AAAS: variants seen among roughly 807,000 people sequenced by gnomAD.
AAAS encodes the protein aladin.
In AAAS, 60 loss-of-function variants were observed where a neutral mutation model predicts 75.6. The ratio of observed to expected loss-of-function variants is 0.79; its 90% CI spans 0.64 to 0.98. The LOEUF is 0.98. AAAS is among the 50% of genes least tolerant of loss of function. The probability of loss-of-function intolerance (pLI) is 0.00; values close to 1 mark genes in which losing one functional copy is unlikely to be tolerated. For missense variants in AAAS, 658 were observed against 686.9 expected (o/e 0.96, Z 0.47); for synonymous variants, 271 against 265.0 (o/e 1.02, Z -0.22).
chr12:53,321,014 GA>G, intron 1 of AAAS: 1 of 535,458 alleles, frequency 1.9e-6, no homozygotes. Context: ...GAACACCATG[GA>G]AAAAAGTTCC....
chr12:53,309,993 T>C (rs1944361838), intron 7 of AAAS: 2 of 516,674 alleles, frequency 3.9e-6, no homozygotes, highest in Non-Finnish European at 3.5e-6. Flanking sequence ...AGATAGGCCA[T>C]GAGGCAAAAC....
At chr12:53,317,923 T>G (rs1387248415) in intron 2 of AAAS, among the ~76,000 whole-genome samples, 1 of 152,192 alleles carries the variant, frequency 6.6e-6, no homozygotes. Context: ...AGGTAATAAT[T>G]ACATCAGCTA....
At chr12:53,309,959 C>A in intron 7 of AAAS, 3 of 600,696 alleles carry the variant, frequency 5.0e-6, no homozygotes, top group Non-Finnish European at 8.7e-6. Context: ...AGGTCTCAGG[C>A]CAGGGTGAAA....
chr12:53,311,828 C>T (rs558209248), intron 7 of AAAS, among the ~76,000 whole-genome samples: 156 of 152,182 alleles, frequency 1.0e-3, no homozygotes, highest in African/African-American at 3.7e-3. Context: ...GCAGGAGAAT[C>T]GCTTGAACCC....
In AAAS at chr12:53,309,638, C is replaced by A. The variant is rs1362889217; in HGVS notation, c.773G>T (p.Arg258Leu). 5.0e-6 allele frequency: 8 copies of A among 1,613,408 alleles called. No homozygotes were observed. The highest frequency in any genetic ancestry group is 1.6e-4 in the Middle Eastern group (1 of 6,070). Reference protein sequence around the residue: ...TSLAWAPSGGRLLSASPVDAA... With the variant: ...TSLAWAPSGGLLLSASPVDAA... Reference sequence around the variant, plus strand: ...ATCCACGGGTGAAGCTGAGAGCAGCCGCCCCCCACTGGGGGCCCAGGCCAA... The same window carrying A: ...ATCCACGGGTGAAGCTGAGAGCAGCAGCCCCCCACTGGGGGCCCAGGCCAA... Residue 258 changes from arginine to leucine, a missense_variant, in exon 8 of 16, where the codon CGG (arginine) becomes CTG (leucine). Coordinates refer to ENST00000209873, the MANE Select transcript of AAAS (RefSeq NM_015665.6).
chr12:53,320,440 T>G, intron 2 of AAAS, 125 bp downstream of exon 2: 1 of 1,326,334 alleles, frequency 7.5e-7, no homozygotes, highest in Non-Finnish European at 1.1e-6. Flanking sequence ...TGATTTAGGA[T>G]ATACAGCTCT....
chr12:53,314,533 A>G (rs1213756535), intron 6 of AAAS, 92 bp from the exon 7 acceptor site: 6 of 1,571,664 alleles, frequency 3.8e-6, no homozygotes, highest in African/African-American at 1.4e-5. Flanking sequence ...CACAGAGAAG[A>G]AGGATGATCC....
chr12:53,315,515 C>T (rs1035640470), intron 3 of AAAS, 89 bp from the exon 4 acceptor site: 8 of 1,296,254 alleles, frequency 6.2e-6, no homozygotes, highest in South Asian at 1.3e-5. Flanking sequence ...AGGACAGGCA[C>T]TCCCCAGGTC....
chr12:53,319,927 C>T (rs911413217), intron 2 of AAAS, among the ~76,000 whole-genome samples: 3 of 151,646 alleles, frequency 2.0e-5, no homozygotes, highest in Non-Finnish European at 2.9e-5. Flanking sequence ...TCAAGACCAG[C>T]CTGACCAACA....
chr12:53,314,935 T>C, intron 5 of AAAS, 86 bp from the exon 6 acceptor site: 2 of 1,499,794 alleles, frequency 1.3e-6, no homozygotes, highest in Non-Finnish European at 1.8e-6. Context: ...AAGGACATGG[T>C]TTTTTCCTAC....
Position 53,307,564 on chromosome 12 carries a change from G to A in AAAS, c.1566C>T (p.Ser522=), listed in dbSNP as rs886049648. ...IHDLPLFTET[S]PTSAPWDPLP... ...GAGGGTCCCAAGGGGCAGAGGTTGGGGATGTCTCAGTAAAGAGGGGCAGGT... is the reference window on the plus strand; with the variant it reads ...GAGGGTCCCAAGGGGCAGAGGTTGGAGATGTCTCAGTAAAGAGGGGCAGGT... Residue 522 remains serine (S), a synonymous_variant, in exon 16 of 16, where the codon TCC becomes TCT. Coordinates refer to ENST00000209873, the MANE Select transcript of AAAS (RefSeq NM_015665.6). The A allele has an allele frequency of 1.7e-5, 27 of 1,614,204 alleles. No individual in the cohort carries two copies. The highest frequency in any genetic ancestry group is 2.1e-5 in the Non-Finnish European group (25 of 1,180,026).
At chr12:53,316,496 C>T (rs540950729) in intron 2 of AAAS, among the ~76,000 whole-genome samples, 11 of 142,048 alleles carry the variant, frequency 7.7e-5, no homozygotes, top group East Asian at 4.3e-4. Context: ...AGGCCAGGCG[C>T]GGTGGCTCAC....
At chr12:53,308,659 G>T in intron 11 of AAAS, 66 bp downstream of exon 11, 3 of 1,598,610 alleles carry the variant, frequency 1.9e-6, no homozygotes, top group Non-Finnish European at 2.6e-6. Flanking sequence ...CCTCAGAGCT[G>T]CATCTTACCA....
intron 1 of AAAS, 36 bp downstream of exon 1, chr12:53,321,307 A>G (rs1944550858): frequency 1.5e-5 from 24 of 1,603,170 alleles, no homozygotes; most frequent in South Asian, 2.2e-5. Flanking sequence ...CTCCGCCCCC[A>G]TGCCTGTAGG....
At chr12:53,308,857 G>C in intron 10 of AAAS, 42 bp from the exon 11 acceptor site, 2 of 1,613,400 alleles carry the variant, frequency 1.2e-6, no homozygotes, top group Non-Finnish European at 1.7e-6. Flanking sequence ...TATGTCTATA[G>C]TAGAATGCAG....
rs758758527 is a variant in AAAS at position 53,315,787 on chromosome 12, T to C, written c.252-5A>G. The C allele has an allele frequency of 7.4e-6, 12 of 1,613,530 alleles. No homozygotes were observed. The East Asian group carries it at 2.0e-4, about 27-fold the overall frequency. ...CCAAAAAGGCCCACATCACGCCTGA[T>C]AAGGGAGGAAAATGTGGGTCAGCTT... On this transcript the variant is annotated splice_polypyrimidine_tract_variant and splice_region_variant and intron_variant, in intron 2 of 15. Transcript: ENST00000209873.
intron 2 of AAAS, 88 bp from the exon 3 acceptor site, chr12:53,315,870 A>T: frequency 6.9e-7 from 1 of 1,440,398 alleles, no homozygotes; most frequent in Non-Finnish European, 9.6e-7. Context: ...ACATGTATTA[A>T]AAATATGGGC....
chr12:53,316,809 C>T (rs1944470063), intron 2 of AAAS, among the ~76,000 whole-genome samples: 1 of 148,520 alleles, frequency 6.7e-6, no homozygotes, highest in Non-Finnish European at 1.5e-5. Flanking sequence ...AGAAAAAGTC[C>T]AGGTGCAGTG....
intron 2 of AAAS, among the ~76,000 whole-genome samples, chr12:53,319,027 A>T (rs1944511170): frequency 6.6e-6 from 1 of 152,180 alleles, no homozygotes; most frequent in South Asian, 2.1e-4. Flanking sequence ...ATGTGTTGGA[A>T]AACAGGCACT....
Sources: allele counts gnomAD v4.1 joint callset (sites outside exome capture counted in the v4.1 genomes callset), GRCh38; gene constraint gnomAD v4.1.1; transcripts MANE v1.5; gene names NCBI Gene and HGNC (gene_info 2026-07-23, HGNC 2026-07-21).